NUDT10: variants seen among roughly 807,000 people sequenced by gnomAD.
The protein encoded by NUDT10 is diphosphoinositol polyphosphate phosphohydrolase 3-alpha.
In NUDT10, 2 loss-of-function variants were observed where a neutral mutation model predicts 10.5. The observed-to-expected ratio is 0.19, with a 90% CI of 0.08 to 0.60. NUDT10 has a LOEUF of 0.60. Among genes scored for constraint, NUDT10 ranks in the 20% least tolerant of loss-of-function variants. NUDT10 has a pLI of 0.89. For missense variants in NUDT10, 75 were observed against 149.5 expected, an observed-to-expected ratio of 0.50 and a Z score of 2.60; for synonymous variants, 53 against 71.8, an observed-to-expected ratio of 0.74 and a Z score of 1.32.
upstream of NUDT10, chrX:51,332,509 G>A (rs1326131072): frequency 3.1e-5 from 4 of 128,152 alleles, no homozygotes; most frequent in South Asian, 3.1e-4. Context: ...CGCGCTGCGG[G>A]AGCCAGGAGA....
At chrX:51,334,410 A>G (rs782806500) in intron 1 of NUDT10, among the ~76,000 whole-genome samples, 1 of 112,323 alleles carries the variant, frequency 8.9e-6, no homozygotes, top group East Asian at 2.8e-4. Flanking sequence ...TTTGAAAGAA[A>G]GTGGTTTCCA....
rs1438334929 is a variant in NUDT10 at position 51,332,898 on chromosome X, C to CCGGCAG, written c.-60_-55dup. ...CTCTTCCCAGCACCTCGGCTGCTGCCCGGCAGCGGCAGCAGCTGCGTCGGC... is the reference window on the plus strand; with the variant it reads ...CTCTTCCCAGCACCTCGGCTGCTGCCCGGCAGCGGCAGCGGCAGCAGCTGCGTCGGC... On this transcript the variant is annotated 5_prime_UTR_variant, in exon 1 of 2. Coordinates refer to ENST00000356450, the MANE Select transcript of NUDT10 (RefSeq NM_001304963.2). 1.2e-5 allele frequency: 14 copies of CCGGCAG among 1,162,063 alleles called. No homozygotes were observed. Among genetic ancestry groups the CCGGCAG allele is most frequent in the Non-Finnish European group, 1.4e-5 (12 of 870,372 alleles).
chrX:51,337,491 T>C lies in NUDT10; in HGVS notation c.*1252T>C, dbSNP rs1557312862. ...ATATGTTCATCTCTATTTTTGTATG[T>C]TTGGCATTTTCCGTAATAAAGTTTA... is the stretch of plus-strand genomic sequence containing the variant. On this transcript the variant is annotated 3_prime_UTR_variant, in exon 2 of 2. Coordinates refer to ENST00000356450, the MANE Select transcript of NUDT10 (RefSeq NM_001304963.2). The C allele has an allele frequency of 8.9e-6, 1 of 112,243 alleles. No individual in the cohort carries two copies. The highest frequency in any genetic ancestry group is 1.9e-5 in the Non-Finnish European group (1 of 53,329). The allele number at this position is 112,243 out of a possible 1,213,427, so 9.3% of individuals were successfully genotyped here.
intron 1 of NUDT10, among the ~76,000 whole-genome samples, chrX:51,333,705 C>G (rs1308073662): frequency 2.3e-5 from 2 of 87,436 alleles, no homozygotes; most frequent in Admixed American, 1.6e-4. Context: ...AAGCCTATGC[C>G]GCTTGGGGTT....
chrX:51,335,301 G>A (rs1366868093), intron 1 of NUDT10, among the ~76,000 whole-genome samples: 5 of 68,707 alleles, frequency 7.3e-5, no homozygotes, highest in Middle Eastern at 0.013. Flanking sequence ...CTGGGCGACC[G>A]TCTCAAAAAA....
intron 1 of NUDT10, among the ~76,000 whole-genome samples, chrX:51,335,692 C>T (rs1386474023): frequency 6.2e-5 from 7 of 112,028 alleles, no homozygotes; most frequent in African/African-American, 2.0e-4. Context: ...TCTCACTTGC[C>T]TTTAAGTGGA....
Position 51,332,943 on chromosome X carries a change from G to A in NUDT10, c.-23G>A. On this transcript the variant is annotated 5_prime_UTR_variant, in exon 1 of 2. Coordinates refer to ENST00000356450, the MANE Select transcript of NUDT10 (RefSeq NM_001304963.2). ...GTCGGCGGCCCACACAGCAGCGAGA[G>A]GCGAGAGGAGGCTGCCTCGAGGATG... The A allele has an allele frequency of 2.5e-6, 3 of 1,209,459 alleles. No homozygotes were observed. The highest frequency in any genetic ancestry group is 3.4e-6 in the Non-Finnish European group (3 of 894,072).
chrX:51,332,883 C>T lies in NUDT10; in HGVS notation c.-83C>T, dbSNP rs1922710759. ...TCTCCTCGGCCCTTTCTCTTCCCAG[C>T]ACCTCGGCTGCTGCCCGGCAGCGGC... On this transcript the variant is annotated 5_prime_UTR_variant, in exon 1 of 2. Coordinates refer to ENST00000356450, the MANE Select transcript of NUDT10 (RefSeq NM_001304963.2). 4 of 1,142,678 alleles carry T rather than the reference C, an allele frequency of 3.5e-6. No individual in the cohort carries two copies. The highest frequency in any genetic ancestry group is 4.7e-6 in the Non-Finnish European group (4 of 858,084). 94.2% of individuals were successfully genotyped at this position (1,142,678 alleles called of 1,213,427 possible).
Position 51,336,534 on chromosome X carries a change from T to C in NUDT10, c.*295T>C, listed in dbSNP as rs1159975896. The C allele has an allele frequency of 4.4e-6, 1 of 225,148 alleles. No homozygotes were observed. The highest frequency in any genetic ancestry group is 7.3e-5 in the Admixed American group (1 of 13,702). 18.6% of individuals were successfully genotyped at this position (225,148 alleles called of 1,213,427 possible). On this transcript the variant is annotated 3_prime_UTR_variant, in exon 2 of 2. Coordinates refer to ENST00000356450, the MANE Select transcript of NUDT10 (RefSeq NM_001304963.2). ...GAATGCCAGGAACTTGTTTCCTTAGTCTTTTTTATATATCTAGCATATAAG... is the reference window on the plus strand; with the variant it reads ...GAATGCCAGGAACTTGTTTCCTTAGCCTTTTTTATATATCTAGCATATAAG...
chrX:51,332,833 G>C lies in NUDT10; in HGVS notation c.-133G>C. On this transcript the variant is annotated 5_prime_UTR_variant, in exon 1 of 2. Transcript: ENST00000356450. ...CCGGGCTCGGGGGCAGACGGCAGAC[G>C]GAGGCGCCTCTCTCTCCCCGCCCCT... 1 of 984,248 alleles carries C rather than the reference G, an allele frequency of 1.0e-6. No individual in the cohort carries two copies. The highest frequency in any genetic ancestry group is 1.3e-6 in the Non-Finnish European group (1 of 741,827). 81.1% of individuals were successfully genotyped at this position (984,248 alleles called of 1,213,427 possible). A position where few individuals can be genotyped will look rare whatever the true frequency, so the allele number is the denominator to read the frequency against.
chrX:51,332,567 C>A (rs1557312141), upstream of NUDT10, among the ~76,000 whole-genome samples: 1 of 113,205 alleles, frequency 8.8e-6, no homozygotes, highest in Non-Finnish European at 1.9e-5. Flanking sequence ...TCAGCCCACG[C>A]CCTCCCCTGC....
chrX:51,332,836 G>T lies in NUDT10; in HGVS notation c.-130G>T. On this transcript the variant is annotated 5_prime_UTR_variant, in exon 1 of 2. In the 5' UTR this introduces an upstream ATG that the reference lacks. Transcript: ENST00000356450. Reference sequence around the variant, plus strand: ...GGCTCGGGGGCAGACGGCAGACGGAGGCGCCTCTCTCTCCCCGCCCCTCTC... The same window carrying T: ...GGCTCGGGGGCAGACGGCAGACGGATGCGCCTCTCTCTCCCCGCCCCTCTC... The T allele has an allele frequency of 1.0e-6, 1 of 997,950 alleles. No individual in the cohort carries two copies. Among genetic ancestry groups the T allele is most frequent in the Non-Finnish European group, 1.3e-6 (1 of 753,394 alleles). 82.2% of individuals were successfully genotyped at this position (997,950 alleles called of 1,213,427 possible).
chrX:51,334,530 G>GCTAGTACCAGCTAACAA, intron 1 of NUDT10, among the ~76,000 whole-genome samples: 1 of 112,491 alleles, frequency 8.9e-6, no homozygotes, highest in South Asian at 3.7e-4. Flanking sequence ...CTCTAGCGAT[G>GCTAGTACCAGCTAACAA]TTCAGCTGGT....
In NUDT10 at chrX:51,336,494, A is replaced by G. The variant is rs1926365383; in HGVS notation, c.*255A>G. On this transcript the variant is annotated 3_prime_UTR_variant, in exon 2 of 2. Coordinates refer to ENST00000356450, the MANE Select transcript of NUDT10 (RefSeq NM_001304963.2). ...CTCTTATGTGTCTGTATTTCCCGGC[A>G]GAGTATACGCCCTTGAATGCCAGGA... The G allele has an allele frequency of 3.6e-6, 1 of 278,071 alleles. No individual in the cohort carries two copies. The highest frequency in any genetic ancestry group is 6.3e-6 in the Non-Finnish European group (1 of 158,113). 22.9% of individuals were successfully genotyped at this position (278,071 alleles called of 1,213,427 possible).
rs1267631352 is a variant in NUDT10 at position 51,336,799 on chromosome X, C to A, written c.*560C>A. On this transcript the variant is annotated 3_prime_UTR_variant, in exon 2 of 2. Coordinates refer to ENST00000356450, the MANE Select transcript of NUDT10 (RefSeq NM_001304963.2). The stretch of plus-strand genomic sequence containing the variant: ...TCCAGATGGCAGTATACTACACTAT[C>A]TGTAAAATATATTTGCAAAGCCAGG... 1.8e-5 allele frequency: 2 copies of A among 111,927 alleles called. No homozygotes were observed. Among genetic ancestry groups the A allele is most frequent in the Non-Finnish European group, 3.8e-5 (2 of 53,231 alleles). The allele number at this position is 111,927 out of a possible 1,213,427, so 9.2% of individuals were successfully genotyped here.
upstream of NUDT10, among the ~76,000 whole-genome samples, chrX:51,332,602 G>T (rs782486246): frequency 1.5e-3 from 174 of 112,991 alleles, 1 homozygote; most frequent in Non-Finnish European, 2.9e-3. Context: ...ACGGGAGCGC[G>T]GACGCGCCCG....
Position 51,336,500 on chromosome X carries a change from T to C in NUDT10, c.*261T>C. 2 of 262,012 alleles carry C rather than the reference T, an allele frequency of 7.6e-6. No homozygotes were observed. Among genetic ancestry groups the C allele is most frequent in the East Asian group, 1.2e-4 (2 of 16,643 alleles). The allele number at this position is 262,012 out of a possible 1,213,427, so 21.6% of individuals were successfully genotyped here. A position where few individuals can be genotyped will look rare whatever the true frequency, so the allele number is the denominator to read the frequency against. On this transcript the variant is annotated 3_prime_UTR_variant, in exon 2 of 2. Transcript: ENST00000356450. ...TGTGTCTGTATTTCCCGGCAGAGTA[T>C]ACGCCCTTGAATGCCAGGAACTTGT... is the stretch of plus-strand genomic sequence containing the variant.
chrX:51,332,838 C>T lies in NUDT10; in HGVS notation c.-128C>T, dbSNP rs1257894391. The T allele has an allele frequency of 8.0e-6, 8 of 995,210 alleles. No individual in the cohort carries two copies. Among genetic ancestry groups the T allele is most frequent in the East Asian group, 3.4e-5 (1 of 29,421 alleles). 82.0% of individuals were successfully genotyped at this position (995,210 alleles called of 1,213,427 possible). On this transcript the variant is annotated 5_prime_UTR_variant, in exon 1 of 2. Transcript: ENST00000356450. ...CTCGGGGGCAGACGGCAGACGGAGG[C>T]GCCTCTCTCTCCCCGCCCCTCTCCT...
rs1273017873 is a variant in NUDT10 at position 51,332,886 on chromosome X, C to T, written c.-80C>T. ...CCTCGGCCCTTTCTCTTCCCAGCAC[C>T]TCGGCTGCTGCCCGGCAGCGGCAGC... On this transcript the variant is annotated 5_prime_UTR_variant, in exon 1 of 2. Transcript: ENST00000356450. The T allele has an allele frequency of 6.1e-6, 7 of 1,149,385 alleles. No individual in the cohort carries two copies. The African/African-American group carries it at 1.1e-4, about 18-fold the overall frequency. 94.7% of individuals were successfully genotyped at this position (1,149,385 alleles called of 1,213,427 possible). A position where few individuals can be genotyped will look rare whatever the true frequency, so the allele number is the denominator to read the frequency against.
Sources: allele counts gnomAD v4.1 joint callset (sites outside exome capture counted in the v4.1 genomes callset), GRCh38; gene constraint gnomAD v4.1.1; transcripts MANE v1.5; gene names NCBI Gene and HGNC (gene_info 2026-07-23, HGNC 2026-07-21).